Variants in DLGAP2 observed in about 807,000 individuals in gnomAD.
The protein encoded by DLGAP2 is DLG associated protein 2.
A neutral mutation model predicts 100.3 loss-of-function variants in DLGAP2; 26 were observed. The ratio of observed to expected loss-of-function variants is 0.26; its 90% CI spans 0.19 to 0.36. The LOEUF (loss-of-function observed/expected upper bound fraction) is 0.36. Ranked by LOEUF, DLGAP2 falls within the 10% of genes least tolerant of loss-of-function variation. The probability of loss-of-function intolerance (pLI) is 1.00; values close to 1 mark genes in which losing one functional copy is unlikely to be tolerated. For synonymous variants in DLGAP2, 886 were observed against 630.1 expected (o/e 1.41, Z -6.08); for missense variants, 1,858 against 1,453.2 (o/e 1.28, Z -4.53).
chr8:777,965 T>G lies in DLGAP2; in HGVS notation c.18+40140T>G, dbSNP rs1025693218. On this transcript the variant is annotated intron_variant, in intron 1 of 14. Coordinates refer to ENST00000637795, the MANE Select transcript of DLGAP2 (RefSeq NM_001346810.2). ...AGTGTTTTCCAACTTGGTTCCATTC[T>G]CCCCATCACTTTCAGGTACACCAAT... 2.6e-5 allele frequency among the ~76,000 whole-genome samples: 4 copies of G among 152,280 alleles called. No homozygotes were observed. In the South Asian group the frequency reaches 8.3e-4, roughly 32 times the overall value.
At chr8:1,260,650 G>C (rs1010491277) in intron 3 of DLGAP2, among the ~76,000 whole-genome samples, 3 of 152,064 alleles carry the variant, frequency 2.0e-5, no homozygotes, top group Admixed American at 2.0e-4. Flanking sequence ...CAGTAAATCA[G>C]AATCCATGAT....
intron 8 of DLGAP2, among the ~76,000 whole-genome samples, chr8:1,660,931 C>A (rs1183929296): frequency 6.6e-6 from 1 of 152,178 alleles, no homozygotes; most frequent in African/African-American, 2.4e-5. Context: ...CACCGTGATT[C>A]CGTAGCTAAT....
intron 2 of DLGAP2, among the ~76,000 whole-genome samples, chr8:941,365 C>T (rs1162594906): frequency 6.6e-6 from 1 of 152,072 alleles, no homozygotes; most frequent in East Asian, 1.9e-4. Flanking sequence ...TGTCCCAAGC[C>T]CGGTCCAAGC....
chr8:1,622,195 A>C (rs1797362373), intron 6 of DLGAP2: 2 of 152,222 alleles, frequency 1.3e-5, no homozygotes, highest in South Asian at 4.1e-4. Context: ...TTTCCATTGA[A>C]TGCAGTGGAA....
intron 3 of DLGAP2, among the ~76,000 whole-genome samples, chr8:1,267,054 C>G (rs1341250821): frequency 6.6e-6 from 1 of 151,696 alleles, no homozygotes; most frequent in Non-Finnish European, 1.5e-5. Flanking sequence ...TGGTGAAATC[C>G]TGTCTCTACT....
At chr8:1,695,277 TACA>T (rs1344306051) in intron 13 of DLGAP2, among the ~76,000 whole-genome samples, 61 of 142,306 alleles carry the variant, frequency 4.3e-4, no homozygotes, top group African/African-American at 1.5e-3. Flanking sequence ...TGCCCGGCCC[TACA>T]GAAAGAGGGG....
At chr8:1,476,197 C>T (rs767943534) in intron 3 of DLGAP2, among the ~76,000 whole-genome samples, 19 of 152,180 alleles carry the variant, frequency 1.2e-4, no homozygotes, top group African/African-American at 1.9e-4. Context: ...TTCATGGATG[C>T]GTGGCTCGTC....
intron 3 of DLGAP2, among the ~76,000 whole-genome samples, chr8:1,309,149 G>A (rs1037670204): frequency 2.0e-5 from 3 of 151,938 alleles, no homozygotes; most frequent in Admixed American, 1.3e-4. Flanking sequence ...AAGAGTCTCC[G>A]AAAAGGGAAA....
intron 2 of DLGAP2, among the ~76,000 whole-genome samples, chr8:1,111,831 T>C (rs993621256): frequency 1.3e-5 from 2 of 152,232 alleles, no homozygotes; most frequent in African/African-American, 2.4e-5. Flanking sequence ...GTTGATTCCA[T>C]GTCTTTGCTT....
intron 1 of DLGAP2, among the ~76,000 whole-genome samples, chr8:800,128 A>G (rs1232334133): frequency 1.3e-5 from 2 of 152,098 alleles, no homozygotes; most frequent in African/African-American, 4.8e-5. Flanking sequence ...AATCTGGTCT[A>G]TGCCACATGC....
intron 1 of DLGAP2, among the ~76,000 whole-genome samples, chr8:745,853 T>C (rs528952234): frequency 2.0e-4 from 30 of 152,328 alleles, no homozygotes; most frequent in African/African-American, 7.2e-4. Context: ...CTAAAGCTAC[T>C]GAGTTTGGAG....
In DLGAP2 at chr8:1,100,081, C is replaced by G. The variant is rs545121715; in HGVS notation, c.74-158770C>G. Among the ~76,000 whole-genome samples, 32 of 152,266 alleles carry G rather than the reference C, an allele frequency of 2.1e-4. 1 individual carries two copies. Among genetic ancestry groups the G allele is most frequent in the Non-Finnish European group, 1.0e-4 (7 of 68,052 alleles). ...GAATCTTGTGCCATCCTGCTCTGCC[C>G]TGCCTGGGACATGAATCATCCCTTT... is the stretch of plus-strand genomic sequence containing the variant. On this transcript the variant is annotated intron_variant, in intron 2 of 14. Transcript: ENST00000637795.
chr8:1,315,006 G>T (rs1800697566), intron 3 of DLGAP2, among the ~76,000 whole-genome samples: 1 of 152,252 alleles, frequency 6.6e-6, no homozygotes, highest in African/African-American at 2.4e-5. Flanking sequence ...CGTGTTTTTA[G>T]TTATTAATAG....
At chr8:1,114,243 C>T (rs1805048536) in intron 2 of DLGAP2, among the ~76,000 whole-genome samples, 1 of 151,982 alleles carries the variant, frequency 6.6e-6, no homozygotes, top group Non-Finnish European at 1.5e-5. Flanking sequence ...CCCTCCTTTT[C>T]AGTTTTTTTT....
chr8:1,254,076 G>T (rs550543893), intron 2 of DLGAP2, among the ~76,000 whole-genome samples: 2 of 152,338 alleles, frequency 1.3e-5, no homozygotes, highest in African/African-American at 4.8e-5. Context: ...CCTCCTGGGG[G>T]CACTGAGTGG....
At chr8:1,647,592 G>T (rs529241745) in intron 8 of DLGAP2, among the ~76,000 whole-genome samples, 15 of 143,100 alleles carry the variant, frequency 1.0e-4, no homozygotes, top group African/African-American at 3.8e-4. Flanking sequence ...TATGAATGCA[G>T]ACAGCAGAAC....
intron 3 of DLGAP2, among the ~76,000 whole-genome samples, chr8:1,343,393 T>C (rs917829253): frequency 6.6e-6 from 1 of 152,084 alleles, no homozygotes; most frequent in Non-Finnish European, 1.5e-5. Flanking sequence ...CACGAGCCTG[T>C]GTCCTGGGGT....
At chr8:1,156,768 C>G (rs756704754) in intron 2 of DLGAP2, among the ~76,000 whole-genome samples, 1 of 152,196 alleles carries the variant, frequency 6.6e-6, no homozygotes, top group South Asian at 2.1e-4. Context: ...CTCAGGATCC[C>G]CGGCTGGTGC....
chr8:1,390,431 T>C (rs1461246827), intron 3 of DLGAP2, among the ~76,000 whole-genome samples: 1 of 152,218 alleles, frequency 6.6e-6, no homozygotes, highest in African/African-American at 2.4e-5. Flanking sequence ...ATGAAACAGA[T>C]GGCCATGAAC....
Sources: gnomAD v4.1 joint callset for allele counts (sites outside exome capture counted in the v4.1 genomes callset) on GRCh38, gnomAD v4.1.1 for gene constraint, MANE v1.5 for transcripts, NCBI Gene and HGNC (gene_info 2026-07-23, HGNC 2026-07-21) for gene names.